SLC41A3: variants seen among roughly 807,000 people sequenced by gnomAD.
SLC41A3 encodes solute carrier family 41 member 3, also known as SLC41A1-like 2.
Under a neutral mutation model 45.4 loss-of-function variants are expected in SLC41A3, and 44 were observed. The ratio of observed to expected loss-of-function variants is 0.97; its 90% CI spans 0.76 to 1.25. SLC41A3 has a LOEUF of 1.25. Among genes scored for constraint, SLC41A3 ranks in the 50% most tolerant of loss-of-function variants. The probability of loss-of-function intolerance (pLI) is 0.00; values close to 1 mark genes in which losing one functional copy is unlikely to be tolerated. For missense variants in SLC41A3, 550 were observed against 600.6 expected, an observed-to-expected ratio of 0.92 and a Z score of 0.88; for synonymous variants, 256 against 252.4, an observed-to-expected ratio of 1.01 and a Z score of -0.13.
intron 2 of SLC41A3, among the ~76,000 whole-genome samples, chr3:126,060,245 C>A (rs1319779705): frequency 1.3e-5 from 2 of 152,044 alleles, no homozygotes; most frequent in East Asian, 3.9e-4. Flanking sequence ...ATGGAGAAAC[C>A]CCGTCTCTAC....
chr3:126,054,219 G>A (rs1335297162), intron 2 of SLC41A3, among the ~76,000 whole-genome samples: 1 of 152,122 alleles, frequency 6.6e-6, no homozygotes, highest in African/African-American at 2.4e-5. Context: ...AGACACACAG[G>A]CATATGTCAA....
At chr3:126,095,258 A>T in intron 1 of SLC41A3, 1 of 688,468 alleles carries the variant, frequency 1.5e-6, no homozygotes, top group Non-Finnish European at 2.6e-6. Context: ...GATGCCAAGG[A>T]AGAGATTCCA....
intron 2 of SLC41A3, among the ~76,000 whole-genome samples, chr3:126,066,152 G>A (rs3936031): frequency 0.1 from 15,391 of 152,150 alleles, 1,336 homozygotes; most frequent in African/African-American, 0.23. Flanking sequence ...CTATTTTTCC[G>A]TCTTGGACTG....
chr3:126,048,958 A>T (rs1449748349), intron 3 of SLC41A3, among the ~76,000 whole-genome samples: 1 of 151,912 alleles, frequency 6.6e-6, no homozygotes, highest in Non-Finnish European at 1.5e-5. Flanking sequence ...TGAAGGTTCT[A>T]CTGTTATGAT....
chr3:126,091,616 G>C (rs952360461), intron 1 of SLC41A3, among the ~76,000 whole-genome samples: 7 of 152,170 alleles, frequency 4.6e-5, no homozygotes, highest in Non-Finnish European at 8.8e-5. Flanking sequence ...GCTTCAGAGA[G>C]AGTAGATTGT....
chr3:126,015,595 G>C, intron 7 of SLC41A3, 22 bp from the exon 8 acceptor site: 2 of 1,612,984 alleles, frequency 1.2e-6, no homozygotes, highest in Non-Finnish European at 1.7e-6. Flanking sequence ...GCAGACAGCA[G>C]TCAAGTTATC....
chr3:126,046,833 G>T (rs1429395455), intron 3 of SLC41A3, among the ~76,000 whole-genome samples: 1 of 151,854 alleles, frequency 6.6e-6, no homozygotes, highest in Non-Finnish European at 1.5e-5. Context: ...ATGGTGGCAG[G>T]TGCCTGTAAT....
At chr3:126,043,604 T>C (rs1032796567) in intron 3 of SLC41A3, among the ~76,000 whole-genome samples, 2 of 151,996 alleles carry the variant, frequency 1.3e-5, no homozygotes, top group East Asian at 1.9e-4. Flanking sequence ...AGATATACTT[T>C]ATGAGATCAA....
rs1050106491 is a variant in SLC41A3 at position 126,053,211 on chromosome 3, C to T, written c.274-2161G>A. 7.2e-5 allele frequency among the ~76,000 whole-genome samples: 11 copies of T among 152,170 alleles called. No individual in the cohort carries two copies. The East Asian group carries it at 2.1e-3, about 29-fold the overall frequency. On this transcript the variant is annotated intron_variant, in intron 2 of 10. Coordinates refer to ENST00000360370, the MANE Select transcript of SLC41A3 (RefSeq NM_017836.4). ...TTAATGAGATAATTAAGTTGAAATG[C>T]AGTCATGAGGGTGGGTCCTAGCCCA...
chr3:126,052,735 C>T (rs1270975536), intron 2 of SLC41A3, among the ~76,000 whole-genome samples: 1 of 152,162 alleles, frequency 6.6e-6, no homozygotes, highest in African/African-American at 2.4e-5. Flanking sequence ...ACCCCCAGTC[C>T]TTTGCCAACC....
chr3:126,079,240 C>CACA (rs35781435), intron 1 of SLC41A3, among the ~76,000 whole-genome samples: 21,742 of 100,668 alleles, frequency 0.22, 1,978 homozygotes, highest in Middle Eastern at 0.32. Context: ...ACACACACAC[C>CACA]CACACACGAT....
At chr3:126,022,720 T>C (rs1272373950) in intron 6 of SLC41A3, 66 bp downstream of exon 6, 5 of 1,595,768 alleles carry the variant, frequency 3.1e-6, no homozygotes, top group Non-Finnish European at 4.3e-6. Flanking sequence ...TCAGCCTCAG[T>C]GGTGACCTGC....
At chr3:126,048,936 A>T (rs184679607) in intron 3 of SLC41A3, among the ~76,000 whole-genome samples, 157 of 152,274 alleles carry the variant, frequency 1.0e-3, no homozygotes, top group African/African-American at 3.6e-3. Flanking sequence ...AAAAAAAACA[A>T]AGTAAAACCT....
intron 4 of SLC41A3, among the ~76,000 whole-genome samples, chr3:126,029,955 T>A (rs976866249): frequency 1.3e-5 from 2 of 151,962 alleles, no homozygotes; most frequent in Admixed American, 1.3e-4. Flanking sequence ...CAAATCAGGA[T>A]GGAATGGGTA....
chr3:126,015,584 A>C lies in SLC41A3; in HGVS notation c.891-11T>G, dbSNP rs766057162. 6.8e-6 allele frequency: 11 copies of C among 1,613,820 alleles called. No individual in the cohort carries two copies. The highest frequency in any genetic ancestry group is 9.3e-6 in the Non-Finnish European group (11 of 1,179,796). ...ATGAGTCCTCCGAAACTGGGGAAAT[A>C]GCAGACAGCAGTCAAGTTATCAGAG... On this transcript the variant is annotated splice_polypyrimidine_tract_variant and intron_variant, in intron 7 of 10. Coordinates refer to ENST00000360370, the MANE Select transcript of SLC41A3 (RefSeq NM_017836.4).
At chr3:126,060,111 C>T (rs140956056) in intron 2 of SLC41A3, among the ~76,000 whole-genome samples, 187 of 152,322 alleles carry the variant, frequency 1.2e-3, no homozygotes, top group African/African-American at 4.2e-3. Flanking sequence ...AAATGTTTCT[C>T]AAATCTGTTT....
chr3:126,056,351 T>C, intron 2 of SLC41A3: 1 of 1,613,486 alleles, frequency 6.2e-7, no homozygotes, highest in South Asian at 1.1e-5. Flanking sequence ...AAACACCCAG[T>C]ACGCACTTGA....
At chr3:126,031,975 A>G (rs1254012309) in intron 4 of SLC41A3, among the ~76,000 whole-genome samples, 1 of 152,268 alleles carries the variant, frequency 6.6e-6, no homozygotes, top group Non-Finnish European at 1.5e-5. Context: ...AGCAGCATGC[A>G]TAAGGCACCA....
At chr3:126,056,301 C>T in intron 2 of SLC41A3, 2 of 1,575,190 alleles carry the variant, frequency 1.3e-6, no homozygotes, top group Non-Finnish European at 1.7e-6. Context: ...TCTGTGGTGC[C>T]AGGAGACCCA....
Sources: allele counts gnomAD v4.1 joint callset (sites outside exome capture counted in the v4.1 genomes callset), GRCh38; gene constraint gnomAD v4.1.1; transcripts MANE v1.5; gene names NCBI Gene and HGNC (gene_info 2026-07-23, HGNC 2026-07-21).